Variants in SLC5A4 observed in about 807,000 individuals in gnomAD.
SLC5A4 encodes solute carrier family 5 member 4.
In SLC5A4, 55 loss-of-function variants were observed where a neutral mutation model predicts 70.3. The ratio of observed to expected loss-of-function variants is 0.78; its 90% confidence interval spans 0.63 to 0.98. The LOEUF is 0.98. Ranked by LOEUF, SLC5A4 falls within the 50% of genes least tolerant of loss-of-function variation. The pLI is 0.00. For missense variants in SLC5A4, 735 were observed against 839.2 expected, an observed-to-expected ratio of 0.88 and a Z score of 1.53; for synonymous variants, 268 against 305.7, an observed-to-expected ratio of 0.88 and a Z score of 1.29.
chr22:32,332,274 G>A, the SLC5A4 span, among the ~76,000 whole-genome samples: 1 of 152,206 alleles, frequency 6.6e-6, no homozygotes, highest in African/African-American at 2.4e-5. Flanking sequence ...AGACCTACTT[G>A]CATCTGCCAC....
At chr22:32,309,082 G>A in the SLC5A4 span, among the ~76,000 whole-genome samples, 3 of 152,188 alleles carry the variant, frequency 2.0e-5, no homozygotes, top group Admixed American at 6.5e-5. Flanking sequence ...CTGCTGGCCT[G>A]GCAGCTGGAG....
chr22:32,302,261 T>TTG, the SLC5A4 span, among the ~76,000 whole-genome samples: 7,375 of 149,914 alleles, frequency 0.049, 336 homozygotes, highest in Admixed American at 0.15. Flanking sequence ...TTTTTTTTTT[T>TTG]TGTGTCTAGC....
the SLC5A4 span, among the ~76,000 whole-genome samples, chr22:32,345,341 T>G: frequency 6.6e-6 from 1 of 152,166 alleles, no homozygotes; most frequent in Non-Finnish European, 1.5e-5. Flanking sequence ...AAAGATCATT[T>G]CTTTTGATAC....
At chr22:32,251,975 A>C in intron 2 of SLC5A4, 101 bp from the exon 3 acceptor site, 1 of 801,142 alleles carries the variant, frequency 1.2e-6, no homozygotes, top group Non-Finnish European at 2.1e-6. Context: ...CACGCCTGTA[A>C]TCCCAGCACT....
chr22:32,309,048 A>G, the SLC5A4 span, among the ~76,000 whole-genome samples: 1 of 152,092 alleles, frequency 6.6e-6, no homozygotes, highest in Non-Finnish European at 1.5e-5. Context: ...ATGTTATGCT[A>G]ATTTCAGCAA....
chr22:32,286,751 T>C, the SLC5A4 span, among the ~76,000 whole-genome samples: 1 of 152,236 alleles, frequency 6.6e-6, no homozygotes, highest in South Asian at 2.1e-4. Flanking sequence ...ATTGTAAGCA[T>C]ATCTTGGCTG....
chr22:32,246,920 A>T lies in SLC5A4; in HGVS notation c.477+491T>A, dbSNP rs115690981. On this transcript the variant is annotated intron_variant, in intron 5 of 14. Transcript: ENST00000266086. ...ACATATGTCTTACCATGGTGGTCTT[A>T]GATAGAGTGAACTTAAGAAAAATCA... Among the ~76,000 whole-genome samples the T allele has an allele frequency of 8.5e-3, 1,291 of 152,338 alleles. 19 individuals are homozygous for T. The highest frequency in any genetic ancestry group is 0.03 in the African/African-American group (1,238 of 41,582).
chr22:32,337,044 G>A, the SLC5A4 span, among the ~76,000 whole-genome samples: 1 of 152,190 alleles, frequency 6.6e-6, no homozygotes, highest in African/African-American at 2.4e-5. Context: ...ACGTTTCCTT[G>A]GGGGGACTAA....
the SLC5A4 span, among the ~76,000 whole-genome samples, chr22:32,330,534 T>TA: frequency 1.0e-5 from 1 of 96,830 alleles, no homozygotes; most frequent in Non-Finnish European, 2.0e-5. Context: ...GTGTCTGTGT[T>TA]GGGGGCTCTG....
At chr22:32,229,654 T>C (rs1376391987) in intron 10 of SLC5A4, among the ~76,000 whole-genome samples, 1 of 151,872 alleles carries the variant, frequency 6.6e-6, no homozygotes, top group African/African-American at 2.4e-5. Flanking sequence ...GGAAGAGTAA[T>C]GGGGGACTAG....
chr22:32,267,447 C>T, the SLC5A4 span, among the ~76,000 whole-genome samples: 1 of 152,142 alleles, frequency 6.6e-6, no homozygotes, highest in South Asian at 2.1e-4. Context: ...AATTTTAATA[C>T]AGAAAATGTT....
At chr22:32,316,527 G>GC in the SLC5A4 span, among the ~76,000 whole-genome samples, 1 of 88,200 alleles carries the variant, frequency 1.1e-5, no homozygotes, top group Non-Finnish European at 2.4e-5. Context: ...TAGCATTAGT[G>GC]CTTTTTTTTT....
the SLC5A4 span, among the ~76,000 whole-genome samples, chr22:32,310,075 G>A: frequency 1.4e-5 from 2 of 144,332 alleles, no homozygotes; most frequent in African/African-American, 2.5e-5. Flanking sequence ...GAGGGAGGAC[G>A]GGGGATGGGG....
At chr22:32,239,118 A>G in intron 5 of SLC5A4, 28 bp from the exon 6 acceptor site, 1 of 1,558,058 alleles carries the variant, frequency 6.4e-7, no homozygotes, top group South Asian at 1.1e-5. Context: ...AGGATGAGAA[A>G]GAAACATGCA....
At chr22:32,346,261 T>C in the SLC5A4 span, among the ~76,000 whole-genome samples, 1 of 152,172 alleles carries the variant, frequency 6.6e-6, no homozygotes, top group African/African-American at 2.4e-5. Context: ...ATTGTTTTAA[T>C]GAAAAAAGTG....
chr22:32,281,573 G>A, the SLC5A4 span, among the ~76,000 whole-genome samples: 1 of 152,084 alleles, frequency 6.6e-6, no homozygotes, highest in African/African-American at 2.4e-5. Context: ...TTGTTGCCCA[G>A]GCTGGAGTGC....
At chr22:32,259,678 T>C (rs747316009), upstream of SLC5A4, among the ~76,000 whole-genome samples, 5 of 152,244 alleles carry the variant, frequency 3.3e-5, no homozygotes, top group Non-Finnish European at 7.3e-5. Flanking sequence ...TCTTTGTCTC[T>C]TTTTGGTATC....
chr22:32,317,238 A>C, the SLC5A4 span, among the ~76,000 whole-genome samples: 1 of 152,172 alleles, frequency 6.6e-6, no homozygotes, highest in African/African-American at 2.4e-5. Flanking sequence ...TATATATTTA[A>C]GGACCTGTGG....
the SLC5A4 span, among the ~76,000 whole-genome samples, chr22:32,307,653 T>C: frequency 1.3e-5 from 2 of 152,174 alleles, no homozygotes; most frequent in Non-Finnish European, 2.9e-5. Flanking sequence ...GTTGTTTGCA[T>C]GCACTGAAGC....
Sources: allele counts gnomAD v4.1 joint callset (sites outside exome capture counted in the v4.1 genomes callset), GRCh38; gene constraint gnomAD v4.1.1; transcripts MANE v1.5; gene names NCBI Gene and HGNC (gene_info 2026-07-23, HGNC 2026-07-21).